Variants in CACNA1D observed in about 807,000 individuals in gnomAD.
CACNA1D encodes the protein voltage-dependent L-type calcium channel subunit alpha-1D.
In CACNA1D, 55 loss-of-function variants were observed where a neutral mutation model predicts 257.1. The ratio of observed to expected loss-of-function variants is 0.21; its 90% CI spans 0.17 to 0.27. CACNA1D has a LOEUF of 0.27. Among genes scored for constraint, CACNA1D ranks in the 10% least tolerant of loss-of-function variants. The probability of loss-of-function intolerance (pLI) is 1.00; values close to 1 mark genes in which losing one functional copy is unlikely to be tolerated. For synonymous variants in CACNA1D, 980 were observed against 1,014.9 expected (o/e 0.97, Z 0.65); for missense variants, 1,876 against 2,784.0 (o/e 0.67, Z 7.34).
At chr3:53,513,932 C>T (rs2091223452) in intron 3 of CACNA1D, among the ~76,000 whole-genome samples, 1 of 152,172 alleles carries the variant, frequency 6.6e-6, no homozygotes, top group African/African-American at 2.4e-5. Context: ...CCCATATAAC[C>T]TAGGTATGTA....
intron 3 of CACNA1D, among the ~76,000 whole-genome samples, chr3:53,640,260 A>G (rs368968217): frequency 1.5e-3 from 229 of 152,298 alleles, no homozygotes; most frequent in Middle Eastern, 3.4e-3. Flanking sequence ...TGATCAGCCC[A>G]TGTAGGGCAC....
chr3:53,643,731 C>T (rs2093988820), intron 3 of CACNA1D, among the ~76,000 whole-genome samples: 1 of 152,228 alleles, frequency 6.6e-6, no homozygotes, highest in South Asian at 2.1e-4. Flanking sequence ...ACCTGGGGCC[C>T]TTTGTGTCTG....
chr3:53,566,507 C>G (rs547655949), intron 3 of CACNA1D, among the ~76,000 whole-genome samples: 2 of 152,106 alleles, frequency 1.3e-5, no homozygotes, highest in Admixed American at 6.5e-5. Flanking sequence ...TGAGTTCCTA[C>G]ATGGCACCTG....
intron 8 of CACNA1D, among the ~76,000 whole-genome samples, chr3:53,702,095 G>A (rs993187310): frequency 6.6e-6 from 1 of 152,226 alleles, no homozygotes; most frequent in Non-Finnish European, 1.5e-5. Context: ...TGCAGGTGAT[G>A]GGTAGAGGAG....
At chr3:53,724,500 A>G (rs1218819077) in intron 14 of CACNA1D, among the ~76,000 whole-genome samples, 1 of 152,190 alleles carries the variant, frequency 6.6e-6, no homozygotes, top group Non-Finnish European at 1.5e-5. Flanking sequence ...GGATGCAGTG[A>G]GGACACAAAG....
chr3:53,736,661 A>G (rs1350849462), intron 20 of CACNA1D, among the ~76,000 whole-genome samples: 1 of 150,894 alleles, frequency 6.6e-6, no homozygotes, highest in East Asian at 2.0e-4. Flanking sequence ...GGAGGCCAAG[A>G]CAGTAGAATC....
At chr3:53,682,365 T>TAAAAAAAAAAAAAAAAAAAAAAAAAA (rs3082718) in intron 8 of CACNA1D, among the ~76,000 whole-genome samples, 5 of 47,366 alleles carry the variant, frequency 1.1e-4, no homozygotes, top group African/African-American at 2.8e-4. Flanking sequence ...TTGTCTCTGG[T>TAAAAAAAAAAAAAAAAAAAAAAAAAA]AAAAAAAAAA....
chr3:53,683,697 A>C (rs1359812126), intron 8 of CACNA1D, among the ~76,000 whole-genome samples: 1 of 147,298 alleles, frequency 6.8e-6, no homozygotes, highest in Non-Finnish European at 1.5e-5. Context: ...ATAATAAAAG[A>C]ATAGGTAAAT....
rs1012463207 is a variant in CACNA1D at position 53,673,219 on chromosome 3, T to C, written c.1220+93T>C. On this transcript the variant is annotated intron_variant, in intron 8 of 47. Transcript: ENST00000350061. The surrounding 1 kb of genome is among the most constrained non-coding windows in gnomAD (Gnocchi z 4.1). Reference sequence around the variant, plus strand: ...GCTGGATGAGGGCCGCCAAGAGGGGTTGCCAGACATTTTATGTGTCCTCTG... The same window carrying C: ...GCTGGATGAGGGCCGCCAAGAGGGGCTGCCAGACATTTTATGTGTCCTCTG... 3 of 792,814 alleles carry C rather than the reference T, an allele frequency of 3.8e-6. No homozygotes were observed. The highest frequency in any genetic ancestry group is 6.4e-6 in the Non-Finnish European group (3 of 469,422). The allele number at this position is 792,814 out of a possible 1,614,324, so 49.1% of individuals were successfully genotyped here.
At chr3:53,699,839 A>G (rs1315072311) in intron 8 of CACNA1D, among the ~76,000 whole-genome samples, 1 of 152,106 alleles carries the variant, frequency 6.6e-6, no homozygotes, top group Non-Finnish European at 1.5e-5. Flanking sequence ...TTTTACTCCT[A>G]GGAATTTTAG....
intron 9 of CACNA1D, among the ~76,000 whole-genome samples, chr3:53,709,316 C>A (rs2094725077): frequency 3.3e-5 from 5 of 152,188 alleles, no homozygotes; most frequent in Admixed American, 3.3e-4. Context: ...GAAACTAAAG[C>A]ACAAAGCAGT....
chr3:53,700,587 T>A, intron 8 of CACNA1D, among the ~76,000 whole-genome samples: 1 of 152,152 alleles, frequency 6.6e-6, no homozygotes, highest in East Asian at 1.9e-4. Flanking sequence ...ATTCTCAGGG[T>A]GTGGTACATG....
chr3:53,704,994 G>T (rs373735064), intron 9 of CACNA1D, among the ~76,000 whole-genome samples: 58 of 152,330 alleles, frequency 3.8e-4, no homozygotes, highest in African/African-American at 1.3e-3. Context: ...TATCTTGAGG[G>T]TTAACCATTT....
chr3:53,518,230 A>G (rs1235250786), intron 3 of CACNA1D, among the ~76,000 whole-genome samples: 1 of 152,250 alleles, frequency 6.6e-6, no homozygotes, highest in Admixed American at 6.5e-5. Flanking sequence ...CTTCTGAACC[A>G]CAGACTTGCT....
chr3:53,765,563 C>T (rs114891437), intron 30 of CACNA1D: 2,739 of 152,696 alleles, frequency 0.018, 33 homozygotes, highest in Non-Finnish European at 0.025. Flanking sequence ...GTTTTCACTG[C>T]GCTCCACAGG....
chr3:53,597,830 T>C (rs57141147), intron 3 of CACNA1D, among the ~76,000 whole-genome samples: 2,667 of 152,280 alleles, frequency 0.018, 73 homozygotes, highest in African/African-American at 0.061. Flanking sequence ...GAGGCCTGAA[T>C]GTGCATTTGT....
intron 3 of CACNA1D, among the ~76,000 whole-genome samples, chr3:53,511,532 G>T (rs905368435): frequency 2.6e-5 from 4 of 152,088 alleles, no homozygotes; most frequent in African/African-American, 9.7e-5. Context: ...CCGTGCTTTT[G>T]TCGGGGTCAG....
At chr3:53,589,591 A>G (rs2093273169) in intron 3 of CACNA1D, among the ~76,000 whole-genome samples, 1 of 152,108 alleles carries the variant, frequency 6.6e-6, no homozygotes, top group Non-Finnish European at 1.5e-5. Flanking sequence ...GACCCCGATA[A>G]CTAATGTGTC....
intron 5 of CACNA1D, among the ~76,000 whole-genome samples, chr3:53,662,425 T>C (rs756208069): frequency 6.6e-6 from 1 of 152,198 alleles, no homozygotes; most frequent in East Asian, 1.9e-4. Flanking sequence ...GCTCACTGTT[T>C]AACTTCTTAC....
Sources: gnomAD v4.1 joint callset for allele counts (sites outside exome capture counted in the v4.1 genomes callset) on GRCh38, gnomAD v4.1.1 for gene constraint, Gnocchi (gnomAD v3.1) non-coding constraint, MANE v1.5 for transcripts, NCBI Gene and HGNC (gene_info 2026-07-23, HGNC 2026-07-21) for gene names.